Variants in BMPER observed in about 807,000 individuals in gnomAD.
BMPER encodes BMP-binding endothelial regulator protein.
In BMPER, 45 loss-of-function variants were observed where a neutral mutation model predicts 87.3. That is an observed-to-expected ratio of 0.52 (90% CI 0.41 to 0.66). BMPER has a LOEUF of 0.66. Ranked by LOEUF, BMPER falls within the 30% of genes least tolerant of loss-of-function variation. BMPER has a pLI of 0.00. For synonymous variants in BMPER, 326 were observed against 316.2 expected (o/e 1.03, Z -0.33); for missense variants, 784 against 867.5 (o/e 0.90, Z 1.21).
intron 14 of BMPER, among the ~76,000 whole-genome samples, chr7:34,149,504 G>A (rs531537739): frequency 9.2e-5 from 14 of 152,228 alleles, no homozygotes; most frequent in African/African-American, 3.1e-4. Flanking sequence ...AGATTTCAGA[G>A]GTCTCTAACT....
intron 6 of BMPER, among the ~76,000 whole-genome samples, chr7:34,029,458 T>C (rs1247508263): frequency 6.6e-6 from 1 of 152,062 alleles, no homozygotes; most frequent in African/African-American, 2.4e-5. Flanking sequence ...AGCTAGCTCT[T>C]GCTGCTCCCA....
At chr7:33,957,347 C>A (rs1010376833) in intron 3 of BMPER, among the ~76,000 whole-genome samples, 1 of 149,916 alleles carries the variant, frequency 6.7e-6, no homozygotes, top group Non-Finnish European at 1.5e-5. Flanking sequence ...AGAAAAGAGT[C>A]AACCTCAAAA....
chr7:34,061,981 A>G (rs969862550), intron 10 of BMPER, 21 bp from the exon 11 acceptor site: 2 of 1,481,582 alleles, frequency 1.3e-6, no homozygotes, highest in Non-Finnish European at 1.8e-6. Flanking sequence ...GTAACTTTGT[A>G]TTTGTTTTTC....
intron 13 of BMPER, among the ~76,000 whole-genome samples, chr7:34,106,839 G>A (rs565466279): frequency 6.6e-6 from 1 of 152,280 alleles, no homozygotes; most frequent in South Asian, 2.1e-4. Context: ...TGAGTATAAT[G>A]TCCTCTGTTG....
At chr7:34,060,396 A>G (rs548018342) in intron 10 of BMPER, among the ~76,000 whole-genome samples, 1 of 152,164 alleles carries the variant, frequency 6.6e-6, no homozygotes, top group Non-Finnish European at 1.5e-5. Flanking sequence ...TTCATCTGCA[A>G]CTGCTTTCAG....
chr7:33,961,515 C>G (rs188130868), intron 3 of BMPER, among the ~76,000 whole-genome samples: 96 of 152,238 alleles, frequency 6.3e-4, no homozygotes, highest in African/African-American at 2.1e-3. Flanking sequence ...GTCAGTGAGC[C>G]TGTTGCAATA....
intron 11 of BMPER, 132 bp from the exon 12 acceptor site, chr7:34,078,725 C>CTTTTTT: frequency 2.5e-6 from 2 of 814,386 alleles, no homozygotes; most frequent in Admixed American, 2.4e-5. Context: ...AAAACGACCA[C>CTTTTTT]TTTTTTTTTT....
chr7:33,930,627 A>G (rs555187603), intron 2 of BMPER, among the ~76,000 whole-genome samples: 1 of 152,184 alleles, frequency 6.6e-6, no homozygotes, highest in African/African-American at 2.4e-5. Flanking sequence ...TACAATTTCC[A>G]ATGATCAGAA....
At chr7:33,905,809 GCGC>G in intron 1 of BMPER, 63 bp downstream of exon 1, 1 of 1,466,158 alleles carries the variant, frequency 6.8e-7, no homozygotes, top group Non-Finnish European at 9.3e-7. Flanking sequence ...GGGAAAGGTG[GCGC>G]TGGCTTGCCC....
Position 34,058,471 on chromosome 7 carries a change from A to G in BMPER, c.1032+308A>G, listed in dbSNP as rs113311489. 6.7e-3 allele frequency among the ~76,000 whole-genome samples: 1,024 copies of G among 152,306 alleles called. 11 individuals are homozygous for G. The highest frequency in any genetic ancestry group is 0.024 in the African/African-American group (986 of 41,564). Reference sequence around the variant, plus strand: ...TTTCTTTTGCCAGGTTTTGTTTAACATCGTAACTGTCTTTTGCCTTTTCCT... The same window carrying G: ...TTTCTTTTGCCAGGTTTTGTTTAACGTCGTAACTGTCTTTTGCCTTTTCCT... On this transcript the variant is annotated intron_variant, in intron 10 of 14. Transcript: ENST00000649409.
At chr7:34,012,379 A>G (rs1786906260) in intron 6 of BMPER, among the ~76,000 whole-genome samples, 1 of 151,996 alleles carries the variant, frequency 6.6e-6, no homozygotes, top group South Asian at 2.1e-4. Context: ...AAATGTTGGT[A>G]TCCAGAAGGA....
chr7:34,029,392 C>T (rs150093434), intron 6 of BMPER, among the ~76,000 whole-genome samples: 94 of 152,162 alleles, frequency 6.2e-4, no homozygotes, highest in African/African-American at 2.2e-3. Context: ...CAGCAATCTC[C>T]ACCCCTGCCT....
chr7:34,105,402 T>C (rs1789792399), intron 13 of BMPER, among the ~76,000 whole-genome samples: 2 of 152,178 alleles, frequency 1.3e-5, no homozygotes, highest in Non-Finnish European at 2.9e-5. Flanking sequence ...GGTTTTGTTC[T>C]TCTTCCCTCT....
At chr7:34,107,982 A>G (rs1024508323) in intron 13 of BMPER, among the ~76,000 whole-genome samples, 8 of 152,268 alleles carry the variant, frequency 5.3e-5, no homozygotes, top group African/African-American at 1.9e-4. Flanking sequence ...GTATATATTT[A>G]AAGTACTTAG....
chr7:33,915,797 C>T (rs964183994), intron 2 of BMPER, among the ~76,000 whole-genome samples: 5 of 152,186 alleles, frequency 3.3e-5, no homozygotes, highest in Non-Finnish European at 7.3e-5. Context: ...AAGTGTATGC[C>T]ATAAACCACT....
chr7:34,083,167 C>G (rs540608632), intron 12 of BMPER, among the ~76,000 whole-genome samples: 3 of 152,246 alleles, frequency 2.0e-5, no homozygotes, highest in African/African-American at 7.2e-5. Context: ...TGAGTACGTA[C>G]TATGTGCTAT....
intron 2 of BMPER, among the ~76,000 whole-genome samples, chr7:33,930,079 A>T (rs1035509897): frequency 6.6e-6 from 1 of 152,220 alleles, no homozygotes; most frequent in Non-Finnish European, 1.5e-5. Flanking sequence ...CATCTCTTGG[A>T]CTAAACTCAG....
chr7:34,087,563 A>G (rs75243456), intron 13 of BMPER, among the ~76,000 whole-genome samples: 2,180 of 152,340 alleles, frequency 0.014, 49 homozygotes, highest in African/African-American at 0.048. Context: ...AAGAGTCGCC[A>G]TCCAGATTCA....
At chr7:34,072,251 T>G (rs929055146) in intron 11 of BMPER, among the ~76,000 whole-genome samples, 1 of 152,220 alleles carries the variant, frequency 6.6e-6, no homozygotes, top group Non-Finnish European at 1.5e-5. Context: ...CTAGCCACGC[T>G]GGATTGCTAA....
Sources: allele counts gnomAD v4.1 joint callset (sites outside exome capture counted in the v4.1 genomes callset), GRCh38; gene constraint gnomAD v4.1.1; transcripts MANE v1.5; gene names NCBI Gene and HGNC (gene_info 2026-07-23, HGNC 2026-07-21).